Variants in FSHR observed in about 807,000 individuals in gnomAD.
FSHR encodes follicle-stimulating hormone receptor.
FSHR carries 46 observed loss-of-function variants against 52.1 expected under a neutral mutation model. That is an observed-to-expected ratio of 0.88 (90% CI 0.70 to 1.13). FSHR has a LOEUF of 1.13. FSHR is among the 50% of genes most tolerant of loss of function. FSHR has a pLI of 0.00. For missense variants in FSHR, 964 were observed against 834.6 expected (o/e 1.16, Z -1.91); for synonymous variants, 399 against 309.6 (o/e 1.29, Z -3.03).
At position 48,977,625 on chromosome 2, in the gene FSHR, G is replaced by C. The variant is rs184899706; in HGVS notation, c.668+5287C>G. On this transcript the variant is annotated intron_variant, in intron 8 of 9. Transcript: ENST00000406846. The stretch of plus-strand genomic sequence containing the variant: ...TAGGCATCTGCTGTATATTACTATA[G>C]CCATTTGTGAAAATTTCTGCAGTGC... Among the ~76,000 whole-genome samples, 640 of 152,258 alleles carry C rather than the reference G, an allele frequency of 4.2e-3. 9 individuals are homozygous for C. The highest frequency in any genetic ancestry group is 6.6e-3 in the Non-Finnish European group (446 of 68,032).
chr2:49,043,738 A>G (rs1379033641), intron 2 of FSHR, among the ~76,000 whole-genome samples: 1 of 152,180 alleles, frequency 6.6e-6, no homozygotes, highest in East Asian at 1.9e-4. Context: ...TCCTGTTTGA[A>G]CATTCAGAGC....
At chr2:49,021,884 TATAGAGAGAGAGAGAGAG>T (rs1188998637) in intron 2 of FSHR, among the ~76,000 whole-genome samples, 97 of 36,556 alleles carry the variant, frequency 2.7e-3, no homozygotes, top group African/African-American at 7.3e-3. Context: ...TATATATATA[TATAGAGAGAGAGAGAGAG>T]AGAGAGAGAG....
In FSHR at chr2:48,962,777, A is replaced by C. The variant is rs1416084464; in HGVS notation, c.2044T>G (p.Ser682Ala). ...CTTAGAGGGACAAGTATGTAAGTGG[A>C]ACCACTGGTGACTCTGGGAGCTGAA... ...CSSAPRVTSG[S>A]TYILVPLSHL... The change falls in exon 10 of 10, where the codon TCC becomes GCC. Residue 682 changes from serine (S) to alanine (A), a missense_variant. Physicochemically the swap from Ser to Ala is moderately conservative, Grantham distance 99. Transcript: ENST00000406846. 6.2e-7 allele frequency: 1 copy of C among 1,613,986 alleles called. No homozygotes were observed. Among genetic ancestry groups the C allele is most frequent in the Non-Finnish European group, 8.5e-7 (1 of 1,179,960 alleles).
chr2:49,110,366 A>G (rs1353955878), intron 1 of FSHR, among the ~76,000 whole-genome samples: 1 of 152,122 alleles, frequency 6.6e-6, no homozygotes, highest in Non-Finnish European at 1.5e-5. Context: ...GACTCTTTTA[A>G]CTACTTAATA....
At chr2:49,038,445 C>A (rs932156221) in intron 2 of FSHR, among the ~76,000 whole-genome samples, 1 of 151,594 alleles carries the variant, frequency 6.6e-6, no homozygotes, top group Non-Finnish European at 1.5e-5. Context: ...CACGGTGAAA[C>A]CCCGTCTCTA....
chr2:48,994,289 C>T (rs1675920584), intron 4 of FSHR, among the ~76,000 whole-genome samples: 1 of 152,114 alleles, frequency 6.6e-6, no homozygotes, highest in Non-Finnish European at 1.5e-5. Context: ...ATGAAGAATT[C>T]ATGATTGCTC....
chr2:49,105,755 G>A (rs1444968749), intron 1 of FSHR, among the ~76,000 whole-genome samples: 1 of 152,080 alleles, frequency 6.6e-6, no homozygotes, highest in Non-Finnish European at 1.5e-5. Context: ...CCCACTCAAG[G>A]CCACTGAGCA....
chr2:49,030,878 C>A (rs1668076896), intron 2 of FSHR, among the ~76,000 whole-genome samples: 1 of 152,196 alleles, frequency 6.6e-6, no homozygotes, highest in African/African-American at 2.4e-5. Context: ...CGTGTTTTTA[C>A]AGTGAAGGGA....
At chr2:49,051,187 G>A (rs1403163931) in intron 2 of FSHR, among the ~76,000 whole-genome samples, 1 of 151,994 alleles carries the variant, frequency 6.6e-6, no homozygotes, top group Non-Finnish European at 1.5e-5. Flanking sequence ...GAATAAATCT[G>A]TTATGAACAT....
rs559186467 is a variant in FSHR at position 48,962,158 on chromosome 2, A to G, written c.*575T>C. 1 of 168,424 alleles carries G rather than the reference A, an allele frequency of 5.9e-6. No homozygotes were observed. Among genetic ancestry groups the G allele is most frequent in the Admixed American group, 5.6e-5 (1 of 17,802 alleles). The allele number at this position is 168,424 out of a possible 1,614,324, so 10.4% of individuals were successfully genotyped here. On this transcript the variant is annotated 3_prime_UTR_variant, in exon 10 of 10. Transcript: ENST00000406846. ...CTCACTATGGCCCACACTAACTGGAAACACATGAGGAAGGGAAATCTGGGA... is the reference window on the plus strand; with the variant it reads ...CTCACTATGGCCCACACTAACTGGAGACACATGAGGAAGGGAAATCTGGGA...
At chr2:49,058,669 G>GA (rs202057680) in intron 2 of FSHR, among the ~76,000 whole-genome samples, 2,529 of 148,976 alleles carry the variant, frequency 0.017, 77 homozygotes, top group African/African-American at 0.059. Flanking sequence ...TAAACTACCT[G>GA]AAAAAAAAAT....
chr2:49,132,986 A>AAAAAAAAAG lies in FSHR; in HGVS notation c.152+21279_152+21280insCTTTTTTTT, dbSNP rs1553352007. Among the ~76,000 whole-genome samples, 421 of 149,676 alleles carry AAAAAAAAAG rather than the reference A, an allele frequency of 2.8e-3. 4 individuals carry two copies. The highest frequency in any genetic ancestry group is 9.4e-3 in the African/African-American group (381 of 40,452). On this transcript the variant is annotated intron_variant, in intron 1 of 9. Coordinates refer to ENST00000406846, the MANE Select transcript of FSHR (RefSeq NM_000145.4). ...AACTCAGTAAAAAAAAAAAAAAAAA[A>AAAAAAAAAG]AAAAAAAAAGGCAAGTTTGTGGTAT... is the stretch of plus-strand genomic sequence containing the variant.
Position 49,020,019 on chromosome 2 carries a change from A to C in FSHR, c.299+67T>G, listed in dbSNP as rs1420039069. 22 of 1,326,360 alleles carry C rather than the reference A, an allele frequency of 1.7e-5. No individual in the cohort carries two copies. In the South Asian group the frequency reaches 2.3e-4, roughly 14 times the overall value. The allele number at this position is 1,326,360 out of a possible 1,614,324, so 82.2% of individuals were successfully genotyped here. ...ATGGCAGAATCAGGGCCTCCCAGGA[A>C]TGTAGAAGAACTTTAAGGGTTTTTT... is the stretch of plus-strand genomic sequence containing the variant. On this transcript the variant is annotated intron_variant, in intron 3 of 9. Coordinates refer to ENST00000406846, the MANE Select transcript of FSHR (RefSeq NM_000145.4).
intron 1 of FSHR, among the ~76,000 whole-genome samples, chr2:49,104,463 G>C (rs1671153644): frequency 6.6e-6 from 1 of 152,046 alleles, no homozygotes; most frequent in Non-Finnish European, 1.5e-5. Context: ...TTTCCTTTCT[G>C]TTTTATGTCC....
chr2:49,117,000 G>A (rs566546756), intron 1 of FSHR, among the ~76,000 whole-genome samples: 95 of 152,316 alleles, frequency 6.2e-4, no homozygotes, highest in Admixed American at 1.5e-3. Flanking sequence ...GGAGAGGGAA[G>A]CATTCTTCCC....
chr2:48,982,160 G>C (rs1675278935), intron 8 of FSHR, among the ~76,000 whole-genome samples: 2 of 152,146 alleles, frequency 1.3e-5, no homozygotes, highest in South Asian at 4.1e-4. Flanking sequence ...GGCCATGAGA[G>C]CCACGGGAAG....
At chr2:49,023,293 G>T (rs1667804306) in intron 2 of FSHR, among the ~76,000 whole-genome samples, 1 of 151,964 alleles carries the variant, frequency 6.6e-6, no homozygotes, top group African/African-American at 2.4e-5. Flanking sequence ...ATCTGTTTTT[G>T]TATCTCTAGC....
chr2:49,087,473 G>A (rs1418419761), intron 1 of FSHR, among the ~76,000 whole-genome samples: 1 of 152,088 alleles, frequency 6.6e-6, no homozygotes, highest in Non-Finnish European at 1.5e-5. Context: ...CTGACACTGC[G>A]CTAGGCCCTG....
chr2:48,983,240 C>CTG, intron 6 of FSHR, 74 bp from the exon 7 acceptor site: 1 of 1,398,684 alleles, frequency 7.1e-7, no homozygotes, highest in Non-Finnish European at 1.0e-6. Flanking sequence ...ATTGGAAGCA[C>CTG]TGAGCAAGGG....
Sources: gnomAD v4.1 joint callset for allele counts (sites outside exome capture counted in the v4.1 genomes callset) on GRCh38, gnomAD v4.1.1 for gene constraint, MANE v1.5 for transcripts, NCBI Gene and HGNC (gene_info 2026-07-23, HGNC 2026-07-21) for gene names.